The following UBR4 variants were observed in gnomAD, a reference collection of about 807,000 sequenced individuals.
UBR4 encodes the protein ubiquitin protein ligase E3 component n-recognin 4.
Under a neutral mutation model 575.6 loss-of-function variants are expected in UBR4, and 124 were observed. The ratio of observed to expected loss-of-function variants is 0.22; its 90% CI spans 0.19 to 0.25. The LOEUF is 0.25. Ranked by LOEUF, UBR4 falls within the 10% of genes least tolerant of loss-of-function variation. UBR4 has a pLI of 1.00. For synonymous variants in UBR4, 2,455 were observed against 2,473.7 expected (o/e 0.99, Z 0.22); for missense variants, 4,818 against 6,478.8 (o/e 0.74, Z 8.80).
intron 9 of UBR4, 31 bp from the exon 10 acceptor site, chr1:19,192,571 G>A: frequency 6.2e-7 from 1 of 1,612,420 alleles, no homozygotes; most frequent in South Asian, 1.1e-5. Context: ...ACAAAAATCT[G>A]AACAAGCTGA....
intron 35 of UBR4, among the ~76,000 whole-genome samples, chr1:19,162,132 G>A (rs2087481356): frequency 6.6e-6 from 1 of 152,154 alleles, no homozygotes; most frequent in Non-Finnish European, 1.5e-5. Flanking sequence ...CTCTATAGGG[G>A]AGCTTCCACT....
rs561384226 is a variant in UBR4 at position 19,128,899 on chromosome 1, C to T, written c.9003+79G>A. 3.8e-6 allele frequency: 5 copies of T among 1,301,260 alleles called. No homozygotes were observed. In the South Asian group the frequency reaches 6.0e-5, roughly 16 times the overall value. 80.6% of individuals were successfully genotyped at this position (1,301,260 alleles called of 1,614,324 possible). ...TAACACCAAACGAAGGCTTCCAGGT[C>T]CTCTGGAAGAGAGATGTGGGCATGC... On this transcript the variant is annotated intron_variant, in intron 61 of 105. Coordinates refer to ENST00000375254, the MANE Select transcript of UBR4 (RefSeq NM_020765.3).
intron 29 of UBR4, among the ~76,000 whole-genome samples, chr1:19,166,757 C>A (rs1212636769): frequency 4.3e-5 from 5 of 116,874 alleles, no homozygotes; most frequent in Admixed American, 1.8e-4. Flanking sequence ...AAAAAAAAAA[C>A]CAGCTGGGCA....
chr1:19,176,339 C>G (rs1343956987), intron 20 of UBR4, among the ~76,000 whole-genome samples: 1 of 152,026 alleles, frequency 6.6e-6, no homozygotes, highest in African/African-American at 2.4e-5. Context: ...AATGATCTGC[C>G]CGCCTCTGCC....
At position 19,081,537 on chromosome 1, in the gene UBR4, T is replaced by C. The variant is rs761775989; in HGVS notation, c.15045A>G (p.Gln5015=). 6.8e-6 allele frequency: 11 copies of C among 1,614,006 alleles called. No individual in the cohort carries two copies. Among genetic ancestry groups the C allele is most frequent in the Middle Eastern group, 1.6e-4 (1 of 6,062 alleles). ...TCTCCTTGGGCTGTTCCAGAAAGCC[T>C]TGGAGGTTCTTCTCTTCTCGGGAAG... ...RATSREEKNL[Q]GFLEQPKEKW... is the part of the protein sequence containing the mutation. Residue 5015 remains glutamine (Q), a synonymous_variant, in exon 103 of 106, where the codon CAA becomes CAG. Coordinates refer to ENST00000375254, the MANE Select transcript of UBR4 (RefSeq NM_020765.3).
chr1:19,147,233 G>C (rs2084995561), intron 51 of UBR4, among the ~76,000 whole-genome samples: 1 of 152,184 alleles, frequency 6.6e-6, no homozygotes, highest in African/African-American at 2.4e-5. Context: ...ATCAAAGTAT[G>C]ATGGGAAAAT....
chr1:19,199,610 C>T (rs750859768), intron 3 of UBR4, 41 bp downstream of exon 3: 1 of 1,587,040 alleles, frequency 6.3e-7, no homozygotes, highest in South Asian at 1.1e-5. Flanking sequence ...AGTCACAACA[C>T]TGCTTCAGAA....
intron 11 of UBR4, among the ~76,000 whole-genome samples, chr1:19,189,679 A>T (rs1359337282): frequency 6.6e-6 from 1 of 152,208 alleles, no homozygotes. Context: ...CTTGTCACTT[A>T]TACAACATAC....
intron 55 of UBR4, among the ~76,000 whole-genome samples, chr1:19,142,060 G>C (rs367644765): frequency 3.3e-4 from 50 of 152,318 alleles, no homozygotes; most frequent in Non-Finnish European, 5.9e-4. Context: ...TTTCCATAAA[G>C]GTGAGAGATC....
rs192082393 is a variant in UBR4 at position 19,107,455 on chromosome 1, C to A, written c.12106-489G>T. 5.9e-5 allele frequency among the ~76,000 whole-genome samples: 9 copies of A among 152,248 alleles called. No homozygotes were observed. In the East Asian group the frequency reaches 1.7e-3, roughly 29 times the overall value. On this transcript the variant is annotated intron_variant, in intron 81 of 105. Transcript: ENST00000375254. ...ACGGACTCCAGAGAGCTTTGCTTTA[C>A]ATGGTTGTATCTATTGCCATTTCTC...
At chr1:19,130,119 G>C in intron 60 of UBR4, among the ~76,000 whole-genome samples, 1 of 152,176 alleles carries the variant, frequency 6.6e-6, no homozygotes, top group East Asian at 1.9e-4. Flanking sequence ...AGGAGACTAA[G>C]AAGGGAGGAT....
intron 104 of UBR4, among the ~76,000 whole-genome samples, chr1:19,077,295 G>C (rs2076038790): frequency 6.6e-6 from 1 of 152,220 alleles, no homozygotes; most frequent in Non-Finnish European, 1.5e-5. Context: ...GTTATAAGCT[G>C]GCTGCGGTAA....
At chr1:19,197,846 C>A (rs779198597) in intron 6 of UBR4, 35 bp from the exon 7 acceptor site, 5 of 1,613,024 alleles carry the variant, frequency 3.1e-6, no homozygotes, top group Non-Finnish European at 4.2e-6. Flanking sequence ...TACAAACAGG[C>A]CTTTGTCTGA....
Position 19,100,463 on chromosome 1 carries a change from G to A in UBR4, c.13134C>T (p.Gly4378=), listed in dbSNP as rs1242592976. ...TTATATCCCTCATCAGCGGCCCGAT[G>A]CCTGGCTCATTGCTGCTATACGGGT... ...PGNPYSSNEP[G]IGPLMRDIKN... is the part of the protein sequence containing the mutation. Residue 4378 remains glycine, a synonymous_variant, in exon 89 of 106, where the codon GGC becomes GGT. Coordinates refer to ENST00000375254, the MANE Select transcript of UBR4 (RefSeq NM_020765.3). This position sits in a 1 kb window ranked among gnomAD's most constrained non-coding sequence, Gnocchi z 4.2. 3.1e-6 allele frequency: 5 copies of A among 1,614,120 alleles called. No individual in the cohort carries two copies. The Admixed American group carries it at 8.3e-5, about 27-fold the overall frequency.
At chr1:19,190,312 A>AAATATATATATAT in intron 11 of UBR4, among the ~76,000 whole-genome samples, 1 of 79,910 alleles carries the variant, frequency 1.3e-5, no homozygotes, top group East Asian at 5.8e-4. Context: ...AAAAAAAAAA[A>AAATATATATATAT]ATATATATAT....
chr1:19,164,835 A>C lies in UBR4; in HGVS notation c.4475T>G (p.Leu1492Arg). The C allele has an allele frequency of 6.2e-7, 1 of 1,614,242 alleles. No homozygotes were observed. The highest frequency in any genetic ancestry group is 1.3e-5 in the African/African-American group (1 of 75,068). The change falls in exon 32 of 106, where the codon CTG (leucine) becomes CGG (arginine). Residue 1492 changes from leucine to arginine, a missense_variant. This residue lies in a region of UBR4 where 1,172 missense variants were observed against 1,259.7 expected (regional missense o/e 0.93). Transcript: ENST00000375254. ...AACAATGTATGTGGTCAGTAACTGC[A>C]GCAGCTGCCGGTTCTCCTGAATTAC... ...LDVIQENRQL[L>R]QLLTTYIVRE...
At chr1:19,101,947 A>G (rs2078674534) in intron 87 of UBR4, among the ~76,000 whole-genome samples, 1 of 152,240 alleles carries the variant, frequency 6.6e-6, no homozygotes, top group Non-Finnish European at 1.5e-5. Context: ...TTATTTAACT[A>G]GCATCTCCTT....
At chr1:19,076,695 G>A in intron 105 of UBR4, 45 bp downstream of exon 105, 1 of 1,613,376 alleles carries the variant, frequency 6.2e-7, no homozygotes, top group Non-Finnish European at 8.5e-7. Flanking sequence ...AAGACATGGG[G>A]CTTTGCTGCG....
intron 104 of UBR4, among the ~76,000 whole-genome samples, chr1:19,077,317 T>A (rs1226556510): frequency 6.6e-6 from 1 of 152,120 alleles, no homozygotes; most frequent in Non-Finnish European, 1.5e-5. Flanking sequence ...TCAGACTCAC[T>A]CAGGGCAACA....
Sources: allele counts gnomAD v4.1 joint callset (sites outside exome capture counted in the v4.1 genomes callset), GRCh38; gene constraint gnomAD v4.1.1; regional missense constraint gnomAD v4.1.1; non-coding constraint Gnocchi (gnomAD v3.1); transcripts MANE v1.5; gene names NCBI Gene and HGNC (gene_info 2026-07-23, HGNC 2026-07-21).